The following VWA8 variants were observed in gnomAD, a reference collection of about 807,000 sequenced individuals.
VWA8 encodes von Willebrand factor A domain-containing protein 8.
A neutral mutation model predicts 241.5 loss-of-function variants in VWA8; 221 were observed. The observed-to-expected ratio is 0.91, with a 90% CI of 0.82 to 1.02. The LOEUF is 1.02. Ranked by LOEUF, VWA8 falls within the 50% of genes least tolerant of loss-of-function variation. The pLI, the probability that VWA8 is intolerant of heterozygous loss-of-function variation, is 0.00. For missense variants in VWA8, 2,322 were observed against 2,328.7 expected, an observed-to-expected ratio of 1.00 and a Z score of 0.06; for synonymous variants, 852 against 827.1, an observed-to-expected ratio of 1.03 and a Z score of -0.52.
At chr13:41,659,895 T>C (rs915112277) in intron 37 of VWA8, among the ~76,000 whole-genome samples, 3 of 152,200 alleles carry the variant, frequency 2.0e-5, no homozygotes, top group African/African-American at 4.8e-5. Context: ...AGCAAGCATA[T>C]GAAATGACCA....
chr13:41,959,280 T>G (rs1352422554), intron 1 of VWA8, among the ~76,000 whole-genome samples: 1 of 152,158 alleles, frequency 6.6e-6, no homozygotes, highest in Non-Finnish European at 1.5e-5. Flanking sequence ...CAAAGTTAAG[T>G]AACCTACCCT....
intron 24 of VWA8, among the ~76,000 whole-genome samples, chr13:41,725,696 A>G (rs1404766977): frequency 6.7e-6 from 1 of 148,230 alleles, no homozygotes. Flanking sequence ...TGGAGACAGA[A>G]CAGGGAGTGA....
chr13:41,763,348 G>A (rs1393002380), intron 20 of VWA8, among the ~76,000 whole-genome samples: 1 of 149,770 alleles, frequency 6.7e-6, no homozygotes, highest in Non-Finnish European at 1.5e-5. Context: ...TAGATAGATA[G>A]ATAAAGTGGG....
At chr13:41,926,324 T>C (rs547506277) in intron 2 of VWA8, 3 of 591,110 alleles carry the variant, frequency 5.1e-6, no homozygotes, top group South Asian at 3.0e-5. Context: ...GGCAGAAATT[T>C]ATCATCTGCT....
chr13:41,715,341 C>A (rs1188033136), intron 26 of VWA8, among the ~76,000 whole-genome samples: 1 of 151,730 alleles, frequency 6.6e-6, no homozygotes, highest in Non-Finnish European at 1.5e-5. Flanking sequence ...TATGAAATGA[C>A]AATTTTCTCA....
intron 20 of VWA8, among the ~76,000 whole-genome samples, chr13:41,767,194 C>G (rs1010742513): frequency 6.6e-6 from 1 of 152,128 alleles, no homozygotes; most frequent in Non-Finnish European, 1.5e-5. Flanking sequence ...AAACTCCCCA[C>G]ATTAATGTCA....
At chr13:41,836,336 G>T (rs1187382220) in intron 12 of VWA8, among the ~76,000 whole-genome samples, 1 of 152,170 alleles carries the variant, frequency 6.6e-6, no homozygotes, top group East Asian at 1.9e-4. Context: ...TACTTTCAAA[G>T]AAACTGATGG....
At chr13:41,667,477 A>T (rs1469652286) in intron 37 of VWA8, among the ~76,000 whole-genome samples, 1 of 152,198 alleles carries the variant, frequency 6.6e-6, no homozygotes, top group Non-Finnish European at 1.5e-5. Context: ...AGAAGATTGC[A>T]ACCATTGTTA....
chr13:41,919,905 GAA>G (rs1876432602), intron 2 of VWA8, among the ~76,000 whole-genome samples: 1 of 152,080 alleles, frequency 6.6e-6, no homozygotes, highest in Non-Finnish European at 1.5e-5. Context: ...TACTTCCAGG[GAA>G]TCACAGCCTT....
At chr13:41,640,161 A>G (rs1354097494) in intron 37 of VWA8, among the ~76,000 whole-genome samples, 1 of 152,202 alleles carries the variant, frequency 6.6e-6, no homozygotes, top group Non-Finnish European at 1.5e-5. Flanking sequence ...AGTATTTCTC[A>G]ATATGAACAA....
intron 19 of VWA8, among the ~76,000 whole-genome samples, chr13:41,781,704 T>C (rs1296046068): frequency 6.6e-6 from 1 of 152,196 alleles, no homozygotes; most frequent in Non-Finnish European, 1.5e-5. Context: ...AATGTAATAT[T>C]CCTTAATGGA....
At chr13:41,912,970 G>A (rs1322012402) in intron 2 of VWA8, among the ~76,000 whole-genome samples, 1 of 152,066 alleles carries the variant, frequency 6.6e-6, no homozygotes, top group East Asian at 1.9e-4. Context: ...TGTACATCAA[G>A]AGACATGTAT....
At chr13:41,710,088 C>G (rs189722389) in intron 26 of VWA8, among the ~76,000 whole-genome samples, 42 of 152,250 alleles carry the variant, frequency 2.8e-4, no homozygotes, top group African/African-American at 1.0e-3. Context: ...TGAAAGAATG[C>G]TTGGTTATAT....
intron 27 of VWA8, among the ~76,000 whole-genome samples, chr13:41,702,572 G>GT (rs963056507): frequency 3.3e-5 from 5 of 151,954 alleles, no homozygotes; most frequent in Admixed American, 6.6e-5. Context: ...TCCACAGCCT[G>GT]TTTTTTTTGT....
chr13:41,671,269 C>A, intron 36 of VWA8, 122 bp from the exon 37 acceptor site: 3 of 1,031,552 alleles, frequency 2.9e-6, no homozygotes, highest in Non-Finnish European at 2.8e-6. Context: ...TTATTTTATA[C>A]CTGCTCTTAC....
At position 41,883,409 on chromosome 13, in the gene VWA8, A is replaced by G; in HGVS notation, c.1058T>C (p.Met353Thr). The G allele has an allele frequency of 1.2e-6, 2 of 1,613,102 alleles. No individual in the cohort carries two copies. Among genetic ancestry groups the G allele is most frequent in the Non-Finnish European group, 1.7e-6 (2 of 1,179,208 alleles). Residue 353 changes from methionine to threonine, a missense_variant, in exon 9 of 45, where the codon ATG becomes ACG. Physicochemically the swap from Met to Thr is moderately conservative, Grantham distance 81. Transcript: ENST00000379310. ...YSILLGHEGK[M>T]AVEGVLKRFE... ...CACCTTTAAAACACCTTCCACAGCC[A>G]TCTTCCCTTCATGACCTAGTAAAAT...
At chr13:41,671,939 T>A (rs2045028484) in intron 36 of VWA8, among the ~76,000 whole-genome samples, 1 of 152,134 alleles carries the variant, frequency 6.6e-6, no homozygotes, top group Non-Finnish European at 1.5e-5. Context: ...AATGAGCACA[T>A]TAAAAGACAA....
Position 41,791,482 on chromosome 13 carries a change from C to T in VWA8, c.2064-3939G>A, listed in dbSNP as rs1352019335. 2.0e-5 allele frequency among the ~76,000 whole-genome samples: 3 copies of T among 151,694 alleles called. No homozygotes were observed. In the East Asian group the frequency reaches 5.8e-4, roughly 29 times the overall value. Reference sequence around the variant, plus strand: ...AAGAGATTATAGAAAATTATGAAGACTATTAAACATTCTATTCATCTCTCT... The same window carrying T: ...AAGAGATTATAGAAAATTATGAAGATTATTAAACATTCTATTCATCTCTCT... On this transcript the variant is annotated intron_variant, in intron 17 of 44. Transcript: ENST00000379310.
At chr13:41,653,051 T>C (rs2044879340) in intron 37 of VWA8, among the ~76,000 whole-genome samples, 1 of 152,172 alleles carries the variant, frequency 6.6e-6, no homozygotes, top group African/African-American at 2.4e-5. Context: ...ACAAGATAGA[T>C]AGATGTCAAA....
Sources: gnomAD v4.1 joint callset for allele counts (sites outside exome capture counted in the v4.1 genomes callset) on GRCh38, gnomAD v4.1.1 for gene constraint, MANE v1.5 for transcripts, NCBI Gene and HGNC (gene_info 2026-07-23, HGNC 2026-07-21) for gene names.